The following GULP1 variants were observed in gnomAD, a reference collection of about 807,000 sequenced individuals.
GULP1 encodes the protein GULP PTB domain containing engulfment adaptor 1.
In GULP1, 19 loss-of-function variants were observed where a neutral mutation model predicts 40.9. The observed-to-expected ratio is 0.46, with a 90% CI of 0.32 to 0.68. The LOEUF (loss-of-function observed/expected upper bound fraction) is 0.68. Ranked by LOEUF, GULP1 falls within the 30% of genes least tolerant of loss-of-function variation. The probability of loss-of-function intolerance (pLI) is 0.03; values close to 1 mark genes in which losing one functional copy is unlikely to be tolerated. For missense variants in GULP1, 312 were observed against 362.2 expected (o/e 0.86, Z 1.12); for synonymous variants, 119 against 117.6 (o/e 1.01, Z -0.08).
chr2:188,331,619 A>G (rs2041593308), intron 1 of GULP1, among the ~76,000 whole-genome samples: 1 of 152,166 alleles, frequency 6.6e-6, no homozygotes, highest in Admixed American at 6.6e-5. Context: ...ACAACACATA[A>G]TCTTGTGGAT....
At chr2:188,323,520 A>C (rs2040295464) in intron 1 of GULP1, among the ~76,000 whole-genome samples, 1 of 152,068 alleles carries the variant, frequency 6.6e-6, no homozygotes, top group South Asian at 2.1e-4. Flanking sequence ...TATTTAAACA[A>C]TATCCTGAAG....
chr2:188,427,250 G>T (rs368175773), intron 2 of GULP1, among the ~76,000 whole-genome samples: 37 of 152,272 alleles, frequency 2.4e-4, no homozygotes, highest in African/African-American at 7.5e-4. Flanking sequence ...TTAGAAGATT[G>T]GCAGCCTGGT....
chr2:188,437,722 A>G (rs2057540588), intron 2 of GULP1, among the ~76,000 whole-genome samples: 1 of 152,174 alleles, frequency 6.6e-6, no homozygotes, highest in African/African-American at 2.4e-5. Flanking sequence ...TGGTACATAT[A>G]CAGCATGGAA....
chr2:188,330,836 C>G (rs888531820), intron 1 of GULP1, among the ~76,000 whole-genome samples: 1 of 152,150 alleles, frequency 6.6e-6, no homozygotes, highest in Non-Finnish European at 1.5e-5. Context: ...ATGTCTCTCT[C>G]TCAGCTCCCC....
intron 7 of GULP1, among the ~76,000 whole-genome samples, chr2:188,563,095 C>A (rs1210670167): frequency 6.6e-6 from 1 of 151,866 alleles, no homozygotes; most frequent in African/African-American, 2.4e-5. Flanking sequence ...TCATTTTAGT[C>A]CTGACATAAA....
intron 2 of GULP1, among the ~76,000 whole-genome samples, chr2:188,401,791 A>G (rs1013172070): frequency 6.6e-6 from 1 of 152,160 alleles, no homozygotes; most frequent in African/African-American, 2.4e-5. Context: ...TGCAAACCAT[A>G]TCTGTGAATA....
At chr2:188,351,961 A>G (rs1371937598) in intron 1 of GULP1, among the ~76,000 whole-genome samples, 1 of 152,080 alleles carries the variant, frequency 6.6e-6, no homozygotes, top group African/African-American at 2.4e-5. Flanking sequence ...TCTCTTAACT[A>G]TCCCATTTTT....
At chr2:188,315,164 T>C (rs1160247775) in intron 1 of GULP1, among the ~76,000 whole-genome samples, 1 of 152,164 alleles carries the variant, frequency 6.6e-6, no homozygotes, top group Non-Finnish European at 1.5e-5. Flanking sequence ...ATCCATGAAA[T>C]TGTAACGAAG....
intron 7 of GULP1, among the ~76,000 whole-genome samples, chr2:188,545,309 G>A (rs1034013723): frequency 2.0e-5 from 3 of 151,556 alleles, no homozygotes; most frequent in Non-Finnish European, 4.4e-5. Context: ...AAAACAAGAT[G>A]AGCAAACATA....
chr2:188,434,530 A>T (rs2057225629), intron 2 of GULP1, among the ~76,000 whole-genome samples: 3 of 144,602 alleles, frequency 2.1e-5, no homozygotes, highest in African/African-American at 5.0e-5. Flanking sequence ...TATATGTTGG[A>T]TTTTTTTTTC....
chr2:188,425,141 C>T (rs1416737892), intron 2 of GULP1, among the ~76,000 whole-genome samples: 2 of 151,966 alleles, frequency 1.3e-5, no homozygotes, highest in Admixed American at 6.6e-5. Context: ...ATCACCACTG[C>T]CCATCACCTA....
At chr2:188,537,863 A>G (rs1206840199) in intron 6 of GULP1, among the ~76,000 whole-genome samples, 5 of 152,054 alleles carry the variant, frequency 3.3e-5, no homozygotes, top group East Asian at 1.9e-4. Flanking sequence ...CAATTTCAGA[A>G]CTTGATATTG....
chr2:188,434,630 T>A (rs1413503192), intron 2 of GULP1, among the ~76,000 whole-genome samples: 3 of 151,720 alleles, frequency 2.0e-5, no homozygotes, highest in African/African-American at 7.2e-5. Context: ...GTTTTTTTTA[T>A]AGTGCTACCC....
At chr2:188,311,128 G>A (rs1173606464) in intron 1 of GULP1, among the ~76,000 whole-genome samples, 2 of 152,090 alleles carry the variant, frequency 1.3e-5, no homozygotes, top group African/African-American at 4.8e-5. Flanking sequence ...AAGAATTATG[G>A]GCCTCCAACT....
At chr2:188,580,409 C>T (rs921584616) in intron 9 of GULP1, among the ~76,000 whole-genome samples, 4 of 151,524 alleles carry the variant, frequency 2.6e-5, no homozygotes, top group South Asian at 2.1e-4. Context: ...AAAAATTAGC[C>T]GGGCGTAGTG....
intron 2 of GULP1, among the ~76,000 whole-genome samples, chr2:188,420,546 G>T (rs2055255987): frequency 6.6e-6 from 1 of 152,184 alleles, no homozygotes; most frequent in African/African-American, 2.4e-5. Flanking sequence ...CAAGTTCTGA[G>T]TTCTTGTCCC....
At chr2:188,569,961 T>A in intron 8 of GULP1, 67 bp from the exon 9 acceptor site, 1 of 665,406 alleles carries the variant, frequency 1.5e-6, no homozygotes, top group East Asian at 2.8e-5. Flanking sequence ...TTCCTACTCA[T>A]AACTGTAGCC....
At chr2:188,398,697 C>T (rs1419467987) in intron 2 of GULP1, among the ~76,000 whole-genome samples, 1 of 152,002 alleles carries the variant, frequency 6.6e-6, no homozygotes, top group Non-Finnish European at 1.5e-5. Context: ...GTTATTCATA[C>T]TATGATGTAT....
chr2:188,324,335 G>A (rs1355944833), intron 1 of GULP1, among the ~76,000 whole-genome samples: 4 of 151,884 alleles, frequency 2.6e-5, no homozygotes, highest in Non-Finnish European at 4.4e-5. Flanking sequence ...CATTTTCCAG[G>A]GAACATGCTG....
Sources: gnomAD v4.1 joint callset for allele counts (sites outside exome capture counted in the v4.1 genomes callset) on GRCh38, gnomAD v4.1.1 for gene constraint, MANE v1.5 for transcripts, NCBI Gene and HGNC (gene_info 2026-07-23, HGNC 2026-07-21) for gene names.